FOXO1: variants seen among roughly 807,000 people sequenced by gnomAD.
The protein encoded by FOXO1 is forkhead box O1.
A neutral mutation model predicts 44.1 loss-of-function variants in FOXO1; 6 were observed. That is an observed-to-expected ratio of 0.14 (90% confidence interval 0.07 to 0.27). FOXO1 has a LOEUF of 0.27. FOXO1 is among the 10% of genes least tolerant of loss of function. FOXO1 has a pLI of 1.00. For synonymous variants in FOXO1, 380 were observed against 362.7 expected (o/e 1.05, Z -0.54); for missense variants, 737 against 888.8 (o/e 0.83, Z 2.17).
At chr13:40,656,970 A>G (rs1279955756) in intron 1 of FOXO1, among the ~76,000 whole-genome samples, 1 of 151,978 alleles carries the variant, frequency 6.6e-6, no homozygotes, top group Non-Finnish European at 1.5e-5. Context: ...AGCTGTGACT[A>G]CAGGCACCCG....
chr13:40,603,400 A>AAT (rs1555250029), intron 1 of FOXO1, among the ~76,000 whole-genome samples: 1 of 151,586 alleles, frequency 6.6e-6, no homozygotes, highest in Admixed American at 6.6e-5. Context: ...CAGGATTTTA[A>AAT]ATATATACAT....
At chr13:40,576,042 T>A (rs1874730263) in intron 1 of FOXO1, among the ~76,000 whole-genome samples, 1 of 152,212 alleles carries the variant, frequency 6.6e-6, no homozygotes, top group Admixed American at 6.5e-5. Flanking sequence ...TGGCTTGCGA[T>A]CTTTGGGCTT....
At position 40,666,262 on chromosome 13, in the gene FOXO1, C is replaced by A; in HGVS notation, c.-50G>T. ...CGCAGGAGAGCCAAGAGGGGGAGAA[C>A]GCAGCACTGGGGGCGGACGGGGAGG... On this transcript the variant is annotated 5_prime_UTR_variant, in exon 1 of 3. Coordinates refer to ENST00000379561, the MANE Select transcript of FOXO1 (RefSeq NM_002015.4). The A allele has an allele frequency of 1.5e-6, 2 of 1,333,952 alleles. No individual in the cohort carries two copies. Among genetic ancestry groups the A allele is most frequent in the Non-Finnish European group, 1.9e-6 (2 of 1,039,756 alleles). 82.6% of individuals were successfully genotyped at this position (1,333,952 alleles called of 1,614,324 possible). A position where few individuals can be genotyped will look rare whatever the true frequency, so the allele number is the denominator to read the frequency against.
At position 40,665,790 on chromosome 13, in the gene FOXO1, G is replaced by A; in HGVS notation, c.423C>T (p.Ala141=). 1 of 1,252,594 alleles carries A rather than the reference G, an allele frequency of 8.0e-7. No homozygotes were observed. The highest frequency in any genetic ancestry group is 1.0e-6 in the Non-Finnish European group (1 of 991,852). The allele number at this position is 1,252,594 out of a possible 1,614,324, so 77.6% of individuals were successfully genotyped here. Residue 141 remains alanine (A), a synonymous_variant, in exon 1 of 3, where the codon GCC becomes GCT. Transcript: ENST00000379561. ...GCGGCTGCCCCGCGAGCGGCCCAGC[G>A]GCGGCGGGGGGCACCGGCGGGTGCT... ...LSQHPPVPPA[A]AGPLAGQPRK...
intron 1 of FOXO1, among the ~76,000 whole-genome samples, chr13:40,582,327 C>CCTG (rs1874989430): frequency 6.6e-6 from 1 of 152,146 alleles, no homozygotes; most frequent in African/African-American, 2.4e-5. Context: ...AGGGCCTTTG[C>CCTG]CTCAATGTTA....
At chr13:40,636,758 G>C (rs1877171512) in intron 1 of FOXO1, among the ~76,000 whole-genome samples, 1 of 152,094 alleles carries the variant, frequency 6.6e-6, no homozygotes, top group South Asian at 2.1e-4. Flanking sequence ...GACTCCCAAA[G>C]TGCTGGGATT....
intron 1 of FOXO1, among the ~76,000 whole-genome samples, chr13:40,593,934 G>A (rs960462851): frequency 6.6e-6 from 1 of 152,122 alleles, no homozygotes; most frequent in Admixed American, 6.5e-5. Context: ...CCCCTTAGAC[G>A]AGGTCTGATT....
intron 1 of FOXO1, among the ~76,000 whole-genome samples, chr13:40,571,765 T>C (rs1178854586): frequency 6.6e-6 from 1 of 152,252 alleles, no homozygotes; most frequent in Non-Finnish European, 1.5e-5. Context: ...TTGTCTGTTT[T>C]ATAGGCCATA....
intron 1 of FOXO1, among the ~76,000 whole-genome samples, chr13:40,651,082 T>C (rs1877666518): frequency 7.7e-6 from 1 of 129,376 alleles, no homozygotes; most frequent in Admixed American, 7.8e-5. Context: ...CTAGTTTTTT[T>C]GGTTTTTTGT....
At chr13:40,618,429 A>G (rs1301041140) in intron 1 of FOXO1, among the ~76,000 whole-genome samples, 1 of 152,110 alleles carries the variant, frequency 6.6e-6, no homozygotes, top group Non-Finnish European at 1.5e-5. Context: ...TAAAATACCC[A>G]CTCATCTTTC....
intron 1 of FOXO1, among the ~76,000 whole-genome samples, chr13:40,606,133 T>C (rs1593397088): frequency 6.6e-6 from 1 of 152,188 alleles, no homozygotes; most frequent in East Asian, 1.9e-4. Context: ...CCTCCACCAC[T>C]TTAGTGACCA....
chr13:40,645,930 G>C (rs1319076389), intron 1 of FOXO1, among the ~76,000 whole-genome samples: 1 of 152,046 alleles, frequency 6.6e-6, no homozygotes, highest in African/African-American at 2.4e-5. Flanking sequence ...GCCGGGCATG[G>C]TGGCGCTTGC....
At chr13:40,616,834 C>A (rs189824574) in intron 1 of FOXO1, among the ~76,000 whole-genome samples, 1 of 151,970 alleles carries the variant, frequency 6.6e-6, no homozygotes, top group African/African-American at 2.4e-5. Context: ...AGTCTAGATC[C>A]GGAGCCAGAG....
At chr13:40,622,257 T>G (rs76408511) in intron 1 of FOXO1, among the ~76,000 whole-genome samples, 2,403 of 152,326 alleles carry the variant, frequency 0.016, 50 homozygotes, top group African/African-American at 0.052. Flanking sequence ...AAGAATCGAT[T>G]GCATAGATAA....
At chr13:40,566,378 CA>C (rs1053810007) in intron 1 of FOXO1, among the ~76,000 whole-genome samples, 2 of 146,094 alleles carry the variant, frequency 1.4e-5, no homozygotes, top group African/African-American at 5.0e-5. Flanking sequence ...CATTGACTTT[CA>C]TTTTTTTTTT....
chr13:40,585,877 G>T (rs1436344003), intron 1 of FOXO1, among the ~76,000 whole-genome samples: 2 of 152,242 alleles, frequency 1.3e-5, no homozygotes, highest in Non-Finnish European at 2.9e-5. Context: ...GTTTGATTTA[G>T]TACGTAAGTT....
intron 1 of FOXO1, among the ~76,000 whole-genome samples, chr13:40,574,061 T>C (rs1438731671): frequency 1.3e-5 from 2 of 152,218 alleles, no homozygotes; most frequent in Non-Finnish European, 2.9e-5. Context: ...ATATCAACTA[T>C]TGTGGCTAGA....
chr13:40,620,357 C>A, intron 1 of FOXO1: 1 of 734,032 alleles, frequency 1.4e-6, no homozygotes, highest in South Asian at 1.5e-5. Context: ...TCTGCCGAAT[C>A]ATTTCTCGTT....
intron 1 of FOXO1, among the ~76,000 whole-genome samples, chr13:40,654,197 A>G (rs1483376387): frequency 6.6e-6 from 1 of 151,354 alleles, no homozygotes; most frequent in Admixed American, 6.6e-5. Context: ...ACATCATCTG[A>G]CCAGGCTCGG....
Sources: allele counts gnomAD v4.1 joint callset (sites outside exome capture counted in the v4.1 genomes callset), GRCh38; gene constraint gnomAD v4.1.1; transcripts MANE v1.5; gene names NCBI Gene and HGNC (gene_info 2026-07-23, HGNC 2026-07-21).